Variants in DEAF1 observed in about 807,000 individuals in gnomAD.
The protein encoded by DEAF1 is deformed epidermal autoregulatory factor 1 homolog.
A neutral mutation model predicts 58.9 loss-of-function variants in DEAF1; 53 were observed. The observed-to-expected ratio is 0.90, with a 90% CI of 0.72 to 1.13. DEAF1 has a LOEUF of 1.13. Among genes scored for constraint, DEAF1 ranks in the 50% most tolerant of loss-of-function variants. DEAF1 has a pLI of 0.00. For missense variants in DEAF1, 685 were observed against 791.4 expected (o/e 0.87, Z 1.61); for synonymous variants, 385 against 340.4 (o/e 1.13, Z -1.44).
intron 2 of DEAF1, among the ~76,000 whole-genome samples, chr11:691,246 A>G (rs1860820969): frequency 6.6e-6 from 1 of 152,248 alleles, no homozygotes; most frequent in African/African-American, 2.4e-5. Context: ...TCCCTGCCCA[A>G]CGCAGGCCAC....
At chr11:696,989 G>A (rs1002810364), upstream of DEAF1, among the ~76,000 whole-genome samples, 2 of 139,282 alleles carry the variant, frequency 1.4e-5, no homozygotes, top group South Asian at 5.2e-4. Context: ...TGAGGCAGGA[G>A]AATTGCTCGA....
chr11:687,543 G>A (rs957381712), intron 4 of DEAF1, among the ~76,000 whole-genome samples: 2 of 152,232 alleles, frequency 1.3e-5, no homozygotes, highest in African/African-American at 4.8e-5. Context: ...AGGATGGAGT[G>A]CAGTGGCGTG....
chr11:688,314 T>C lies in DEAF1; in HGVS notation c.517+17A>G. 6.2e-7 allele frequency: 1 copy of C among 1,611,862 alleles called. No individual in the cohort carries two copies. Among genetic ancestry groups the C allele is most frequent in the Non-Finnish European group, 8.5e-7 (1 of 1,178,946 alleles). Reference sequence around the variant, plus strand: ...AACGTGTTTTGCCCGAGGCCTGGGGTGCAGGCACCGCTGTACCTGGGGTGA... The same window carrying C: ...AACGTGTTTTGCCCGAGGCCTGGGGCGCAGGCACCGCTGTACCTGGGGTGA... On this transcript the variant is annotated intron_variant, in intron 3 of 11. Coordinates refer to ENST00000382409, the MANE Select transcript of DEAF1 (RefSeq NM_021008.4). The surrounding 1 kb of genome is among the most constrained non-coding windows in gnomAD (Gnocchi z 4.3).
chr11:644,369 G>A lies in DEAF1; in HGVS notation c.*181C>T. On this transcript the variant is annotated 3_prime_UTR_variant, in exon 12 of 12. Coordinates refer to ENST00000382409, the MANE Select transcript of DEAF1 (RefSeq NM_021008.4). The surrounding 1 kb of genome is among the most constrained non-coding windows in gnomAD (Gnocchi z 4.3). Reference sequence around the variant, plus strand: ...CGAGCGGGCAGGGGGCCCGGGCAGGGGGAGTGCGCTTCCCAGGGCACCATT... The same window carrying A: ...CGAGCGGGCAGGGGGCCCGGGCAGGAGGAGTGCGCTTCCCAGGGCACCATT... 1.5e-6 allele frequency: 1 copy of A among 651,018 alleles called. No individual in the cohort carries two copies. The highest frequency in any genetic ancestry group is 2.2e-5 in the Admixed American group (1 of 45,182). 40.3% of individuals were successfully genotyped at this position (651,018 alleles called of 1,614,324 possible).
At chr11:653,886 G>A in intron 11 of DEAF1, 76 bp downstream of exon 11, 1 of 1,316,504 alleles carries the variant, frequency 7.6e-7, no homozygotes, top group East Asian at 2.3e-5. Context: ...GAGCACAAGG[G>A]GAGGGAGGGC....
intron 10 of DEAF1, among the ~76,000 whole-genome samples, chr11:655,701 A>T (rs1440635364): frequency 6.6e-6 from 1 of 152,092 alleles, no homozygotes; most frequent in Non-Finnish European, 1.5e-5. Context: ...CGCAAACGTG[A>T]TCTTTAACAT....
intron 11 of DEAF1, among the ~76,000 whole-genome samples, chr11:653,405 CAAT>C (rs1858883218): frequency 1.9e-5 from 2 of 106,210 alleles, no homozygotes; most frequent in Admixed American, 9.9e-5. Context: ...GTGGAGGGCT[CAAT>C]AATAGAGGAA....
chr11:688,495 G>A lies in DEAF1; in HGVS notation c.388-35C>T, dbSNP rs770341430. ...AAAACCGCTCCGTCAGGTCACGTCCGAGAGTGACACCAGGCGTGTCACTGA... is the reference window on the plus strand; with the variant it reads ...AAAACCGCTCCGTCAGGTCACGTCCAAGAGTGACACCAGGCGTGTCACTGA... On this transcript the variant is annotated intron_variant, in intron 2 of 11. Transcript: ENST00000382409. The surrounding 1 kb of genome is among the most constrained non-coding windows in gnomAD (Gnocchi z 4.3). 16 of 1,612,332 alleles carry A rather than the reference G, an allele frequency of 9.9e-6. No individual in the cohort carries two copies. Among genetic ancestry groups the A allele is most frequent in the African/African-American group, 6.7e-5 (5 of 74,906 alleles).
intron 1 of DEAF1, chr11:703,475 C>T: frequency 2.4e-6 from 3 of 1,257,430 alleles, no homozygotes; most frequent in Non-Finnish European, 3.0e-6. Context: ...CCCCCATGGG[C>T]CCCCAGGGCC....
chr11:670,788 T>C (rs1452150564), intron 10 of DEAF1, among the ~76,000 whole-genome samples: 1 of 146,648 alleles, frequency 6.8e-6, no homozygotes, highest in Non-Finnish European at 1.5e-5. Context: ...TTTTTTTTTT[T>C]TTTTTTTGAG....
At chr11:682,526 C>T (rs1459504451) in intron 6 of DEAF1, among the ~76,000 whole-genome samples, 1 of 152,158 alleles carries the variant, frequency 6.6e-6, no homozygotes, top group African/African-American at 2.4e-5. Flanking sequence ...CAAGTCAGTT[C>T]CTTTGGGAGG....
Position 694,839 on chromosome 11 carries a change from G to A in DEAF1, c.209C>T (p.Ala70Val). Residue 70 changes from alanine to valine, a missense_variant, in exon 1 of 12, where the codon GCG (alanine) becomes GTG (valine). Ala to Val is a moderately conservative substitution (Grantham distance 64, BLOSUM62 0). Around this residue, in one of 3 missense-constraint regions of DEAF1, gnomAD observed 210 missense variants for 177.3 expected, o/e 1.18. Coordinates refer to ENST00000382409, the MANE Select transcript of DEAF1 (RefSeq NM_021008.4). ...TPRVTAVAVM[A>V]AEPGHMDMGA... is the part of the protein sequence containing the mutation. Reference sequence around the variant, plus strand: ...CATGTCCATGTGCCCGGGCTCCGCCGCCATCACCGCCACTGCCGTGACCCG... The same window carrying A: ...CATGTCCATGTGCCCGGGCTCCGCCACCATCACCGCCACTGCCGTGACCCG... 2.7e-6 allele frequency: 4 copies of A among 1,471,758 alleles called. No homozygotes were observed. The highest frequency in any genetic ancestry group is 2.7e-5 in the South Asian group (2 of 74,900). The allele number at this position is 1,471,758 out of a possible 1,614,324, so 91.2% of individuals were successfully genotyped here.
chr11:672,242 G>A (rs534716808), intron 10 of DEAF1, among the ~76,000 whole-genome samples: 12 of 152,148 alleles, frequency 7.9e-5, no homozygotes, highest in African/African-American at 2.4e-4. Context: ...TACGACCTGG[G>A]TTGAGAATCA....
At chr11:654,472 G>T (rs1858950340) in intron 10 of DEAF1, 1 of 453,894 alleles carries the variant, frequency 2.2e-6, no homozygotes, top group Non-Finnish European at 4.4e-6. Context: ...GCTCCCATTG[G>T]ACTCTTGACT....
intron 7 of DEAF1, 194 bp from the exon 8 acceptor site, chr11:680,010 T>TGACCAGGAG: frequency 1.5e-6 from 1 of 672,958 alleles, no homozygotes; most frequent in Non-Finnish European, 2.5e-6. Flanking sequence ...AAAACCAGGA[T>TGACCAGGAG]GGCCAGGATG....
chr11:654,272 A>C (rs897413826), intron 10 of DEAF1, among the ~76,000 whole-genome samples: 2 of 147,348 alleles, frequency 1.4e-5, no homozygotes, highest in Non-Finnish European at 3.0e-5. Flanking sequence ...GGGTTCAAGC[A>C]ATTCTCCTGT....
In DEAF1 at chr11:694,725, C is replaced by T. The variant is rs1439058237; in HGVS notation, c.289+34G>A. 1.3e-5 allele frequency: 17 copies of T among 1,288,604 alleles called. No homozygotes were observed. In the Admixed American group the frequency reaches 3.8e-4, roughly 29 times the overall value. 79.8% of individuals were successfully genotyped at this position (1,288,604 alleles called of 1,614,324 possible). On this transcript the variant is annotated intron_variant, in intron 1 of 11. Coordinates refer to ENST00000382409, the MANE Select transcript of DEAF1 (RefSeq NM_021008.4). ...GGCGCGCGGGGTAGGCGCGCGGGAA[C>T]CGGACGAGGCGAGAGGCCGGCGGGC...
chr11:647,644 A>G lies in DEAF1; in HGVS notation c.1594-2990T>C, dbSNP rs556236524. ...TGCTCAGCCCTCAGCCCAAAGAGAG[A>G]GGGGGACAAGCCAGGAGGGCAGGCG... On this transcript the variant is annotated intron_variant, in intron 11 of 11. Transcript: ENST00000382409. 2.0e-5 allele frequency among the ~76,000 whole-genome samples: 3 copies of G among 152,278 alleles called. No individual in the cohort carries two copies. The South Asian group carries it at 6.2e-4, about 32-fold the overall frequency.
intron 10 of DEAF1, among the ~76,000 whole-genome samples, chr11:672,096 A>G (rs1251959993): frequency 1.3e-5 from 2 of 152,150 alleles, no homozygotes; most frequent in Non-Finnish European, 2.9e-5. Flanking sequence ...CCTCCTATGG[A>G]AGGCTTCTGG....
Sources: gnomAD v4.1 joint callset for allele counts (sites outside exome capture counted in the v4.1 genomes callset) on GRCh38, gnomAD v4.1.1 for gene constraint, gnomAD v4.1.1 regional missense constraint, Gnocchi (gnomAD v3.1) non-coding constraint, MANE v1.5 for transcripts, NCBI Gene and HGNC (gene_info 2026-07-23, HGNC 2026-07-21) for gene names.